The following GALNT13 variants were observed in gnomAD, a reference collection of about 807,000 sequenced individuals.
GALNT13 encodes the protein polypeptide N-acetylgalactosaminyltransferase 13.
Under a neutral mutation model 64.2 loss-of-function variants are expected in GALNT13, and 28 were observed. The observed-to-expected ratio is 0.44, with a 90% CI of 0.32 to 0.60. The LOEUF (loss-of-function observed/expected upper bound fraction) is 0.60, where lower values mean the gene tolerates loss of function less well. Among genes scored for constraint, GALNT13 ranks in the 20% least tolerant of loss-of-function variants. The probability of loss-of-function intolerance (pLI) is 0.05; values close to 1 mark genes in which losing one functional copy is unlikely to be tolerated. For missense variants in GALNT13, 577 were observed against 669.8 expected, an observed-to-expected ratio of 0.86 and a Z score of 1.53; for synonymous variants, 214 against 224.6, an observed-to-expected ratio of 0.95 and a Z score of 0.42.
the GALNT13 span, among the ~76,000 whole-genome samples, chr2:153,488,477 C>T: frequency 6.6e-6 from 1 of 152,172 alleles, no homozygotes; most frequent in African/African-American, 2.4e-5. Flanking sequence ...TGCTGAGTGA[C>T]CCACTTTAAC....
chr2:153,372,847 T>C, the GALNT13 span, among the ~76,000 whole-genome samples: 29 of 152,314 alleles, frequency 1.9e-4, no homozygotes, highest in South Asian at 5.6e-3. Flanking sequence ...CATGCTGGTA[T>C]TGATGCTTGA....
At chr2:153,666,955 A>G in the GALNT13 span, among the ~76,000 whole-genome samples, 11 of 152,228 alleles carry the variant, frequency 7.2e-5, no homozygotes, top group Non-Finnish European at 4.4e-5. Flanking sequence ...CAAAATAGCC[A>G]TTTTAAGAAA....
At chr2:154,110,733 C>T (rs1301571171) in intron 3 of GALNT13, among the ~76,000 whole-genome samples, 1 of 152,004 alleles carries the variant, frequency 6.6e-6, no homozygotes, top group Non-Finnish European at 1.5e-5. Context: ...CACAGACACA[C>T]CCAGGATCAA....
the GALNT13 span, among the ~76,000 whole-genome samples, chr2:153,259,077 CT>C: frequency 6.6e-6 from 1 of 152,066 alleles, no homozygotes; most frequent in South Asian, 2.1e-4. Flanking sequence ...TGTATTAGCT[CT>C]CATATTTGCT....
At chr2:154,085,625 G>C (rs961688796) in intron 3 of GALNT13, among the ~76,000 whole-genome samples, 1 of 152,032 alleles carries the variant, frequency 6.6e-6, no homozygotes, top group Non-Finnish European at 1.5e-5. Context: ...TCTAAACTCT[G>C]CCTCAGTTTG....
intron 3 of GALNT13, among the ~76,000 whole-genome samples, chr2:153,955,280 C>T (rs914872550): frequency 2.0e-5 from 3 of 152,050 alleles, no homozygotes; most frequent in African/African-American, 7.2e-5. Context: ...TTGATGTGCT[C>T]ATAAATAATA....
chr2:153,946,282 A>C (rs1691735731), intron 3 of GALNT13, among the ~76,000 whole-genome samples: 2 of 152,148 alleles, frequency 1.3e-5, no homozygotes, highest in Non-Finnish European at 2.9e-5. Flanking sequence ...CAGTAACACA[A>C]AGGTACAGTT....
chr2:153,341,673 T>C, the GALNT13 span, among the ~76,000 whole-genome samples: 1 of 152,190 alleles, frequency 6.6e-6, no homozygotes, highest in Non-Finnish European at 1.5e-5. Context: ...TAGGAAAAAC[T>C]GCACAGAATA....
At chr2:153,137,356 G>A in the GALNT13 span, among the ~76,000 whole-genome samples, 41 of 152,152 alleles carry the variant, frequency 2.7e-4, no homozygotes, top group African/African-American at 9.9e-4. Context: ...AGTATATCTG[G>A]AAAGCTAATG....
intron 1 of GALNT13, among the ~76,000 whole-genome samples, chr2:153,883,464 G>A (rs1297793463): frequency 1.3e-5 from 2 of 152,042 alleles, no homozygotes; most frequent in Non-Finnish European, 2.9e-5. Context: ...GTAGAATTAA[G>A]ACATTTTAAG....
chr2:153,705,666 G>T, the GALNT13 span, among the ~76,000 whole-genome samples: 1 of 152,190 alleles, frequency 6.6e-6, no homozygotes, highest in Non-Finnish European at 1.5e-5. Context: ...TACAAATCCA[G>T]TTGCACAAAC....
At chr2:154,014,335 G>A (rs1696849314) in intron 3 of GALNT13, among the ~76,000 whole-genome samples, 1 of 152,052 alleles carries the variant, frequency 6.6e-6, no homozygotes, top group Non-Finnish European at 1.5e-5. Flanking sequence ...GGGGTCTGTG[G>A]CAAGGGTGGG....
At chr2:154,258,833 G>T in intron 7 of GALNT13, among the ~76,000 whole-genome samples, 188 bp from the exon 8 acceptor site, 1 of 150,768 alleles carries the variant, frequency 6.6e-6, no homozygotes. Flanking sequence ...AAACTAATAT[G>T]AGTTTTAAAG....
At chr2:153,090,895 G>T in the GALNT13 span, among the ~76,000 whole-genome samples, 1 of 152,138 alleles carries the variant, frequency 6.6e-6, no homozygotes, top group Non-Finnish European at 1.5e-5. Flanking sequence ...CCAGGAAAGT[G>T]GGGGATAGCT....
upstream of GALNT13, among the ~76,000 whole-genome samples, chr2:153,868,956 AATG>A (rs1201981851): frequency 6.6e-6 from 1 of 152,200 alleles, no homozygotes; most frequent in Non-Finnish European, 1.5e-5. Context: ...TGAGGTAAAT[AATG>A]ATAACTACCT....
chr2:154,439,612 A>G (rs1701179962), intron 12 of GALNT13, among the ~76,000 whole-genome samples: 1 of 152,184 alleles, frequency 6.6e-6, no homozygotes, highest in Admixed American at 6.5e-5. Context: ...CAAGAATAAC[A>G]TTTTAAAAAC....
At chr2:154,382,714 G>T (rs1020678479) in intron 9 of GALNT13, among the ~76,000 whole-genome samples, 1 of 151,850 alleles carries the variant, frequency 6.6e-6, no homozygotes, top group East Asian at 1.9e-4. Flanking sequence ...GGGGAAAATT[G>T]GTTGACAGTT....
At chr2:153,609,299 T>C in the GALNT13 span, among the ~76,000 whole-genome samples, 1 of 152,128 alleles carries the variant, frequency 6.6e-6, no homozygotes, top group African/African-American at 2.4e-5. Context: ...CTCTACCTTT[T>C]TCTGACAAAG....
chr2:153,378,259 GATAGATAGATAGATAGA>G, the GALNT13 span, among the ~76,000 whole-genome samples: 1 of 1,914 alleles, frequency 5.2e-4, no homozygotes, highest in Non-Finnish European at 3.2e-3. Context: ...GAACATTATA[GATAGATAGATAGATAGA>G]TAGATAGATA....
Sources: allele counts gnomAD v4.1 joint callset (sites outside exome capture counted in the v4.1 genomes callset), GRCh38; gene constraint gnomAD v4.1.1; transcripts MANE v1.5; gene names NCBI Gene and HGNC (gene_info 2026-07-23, HGNC 2026-07-21).